Variants in RNF145 observed in about 807,000 individuals in gnomAD.
RNF145 encodes the protein ring finger protein 145.
RNF145 carries 12 observed loss-of-function variants against 57.3 expected under a neutral mutation model. The ratio of observed to expected loss-of-function variants is 0.21; its 90% CI spans 0.13 to 0.34. The LOEUF is 0.34. Ranked by LOEUF, RNF145 falls within the 10% of genes least tolerant of loss-of-function variation. RNF145 has a pLI of 1.00. For synonymous variants in RNF145, 262 were observed against 288.3 expected (o/e 0.91, Z 0.92); for missense variants, 429 against 799.0 (o/e 0.54, Z 5.58).
At chr5:159,198,848 C>T (rs941278620) in intron 2 of RNF145, among the ~76,000 whole-genome samples, 1 of 152,006 alleles carries the variant, frequency 6.6e-6, no homozygotes, top group African/African-American at 2.4e-5. Context: ...AAAACAAGAC[C>T]TTGGTATATG....
intron 2 of RNF145, among the ~76,000 whole-genome samples, chr5:159,202,388 G>A (rs557847216): frequency 2.0e-4 from 30 of 152,242 alleles, no homozygotes; most frequent in African/African-American, 7.0e-4. Flanking sequence ...GCAACATAAA[G>A]GAACTTTCCC....
At chr5:159,173,245 GTT>G (rs999389193) in intron 6 of RNF145, among the ~76,000 whole-genome samples, 1 of 151,182 alleles carries the variant, frequency 6.6e-6, no homozygotes. Context: ...TTTTTTGCAA[GTT>G]TTTTTTTAAA....
At chr5:159,163,856 C>A (rs1041058171) in intron 8 of RNF145, among the ~76,000 whole-genome samples, 3 of 152,176 alleles carry the variant, frequency 2.0e-5, no homozygotes, top group African/African-American at 4.8e-5. Context: ...AGCACTCTTA[C>A]GTCCCACTAG....
chr5:159,173,230 AT>A (rs552111584), intron 6 of RNF145, among the ~76,000 whole-genome samples: 11 of 150,034 alleles, frequency 7.3e-5, no homozygotes, highest in East Asian at 1.9e-4. Context: ...ACACTATGAG[AT>A]TTTTTTTTTG....
intron 8 of RNF145, among the ~76,000 whole-genome samples, chr5:159,167,083 T>C (rs1784414377): frequency 6.6e-6 from 1 of 152,266 alleles, no homozygotes; most frequent in African/African-American, 2.4e-5. Context: ...TTAACTGTTA[T>C]AGAACTATTC....
At chr5:159,205,609 G>GAATAGATCTTCTCACAAACC (rs1349390108) in intron 1 of RNF145, among the ~76,000 whole-genome samples, 3 of 152,104 alleles carry the variant, frequency 2.0e-5, no homozygotes, top group Non-Finnish European at 1.5e-5. Flanking sequence ...AAGTAATATT[G>GAATAGATCTTCTCACAAACC]AATAGATCTT....
At chr5:159,170,758 C>A (rs1784523620) in intron 6 of RNF145, among the ~76,000 whole-genome samples, 1 of 152,148 alleles carries the variant, frequency 6.6e-6, no homozygotes, top group Non-Finnish European at 1.5e-5. Flanking sequence ...CTGCGCCTGG[C>A]TAATTTATTC....
At chr5:159,160,855 T>A (rs1190796950) in intron 10 of RNF145, among the ~76,000 whole-genome samples, 1 of 152,168 alleles carries the variant, frequency 6.6e-6, no homozygotes, top group Non-Finnish European at 1.5e-5. Context: ...GTTAGGTACA[T>A]GAATATTTCT....
chr5:159,181,120 C>T (rs1469938361), intron 4 of RNF145, among the ~76,000 whole-genome samples: 3 of 144,602 alleles, frequency 2.1e-5, no homozygotes, highest in African/African-American at 7.5e-5. Context: ...CAGAGCAAGA[C>T]TCTGTCTCAA....
chr5:159,157,715 T>C lies in RNF145; in HGVS notation c.*955A>G, dbSNP rs1052506876. On this transcript the variant is annotated 3_prime_UTR_variant, in exon 11 of 11. Transcript: ENST00000424310. ...CTATTAACAGCTTTAAAAGTGGCAT[T>C]TGCAGAGTGTGATCATACAGTTATG... is the stretch of plus-strand genomic sequence containing the variant. 3 of 152,790 alleles carry C rather than the reference T, an allele frequency of 2.0e-5. No homozygotes were observed. Among genetic ancestry groups the C allele is most frequent in the African/African-American group, 4.8e-5 (2 of 41,462 alleles). 9.5% of individuals were successfully genotyped at this position (152,790 alleles called of 1,614,324 possible). A position where few individuals can be genotyped will look rare whatever the true frequency, so the allele number is the denominator to read the frequency against.
intron 1 of RNF145, chr5:159,208,122 C>T: frequency 7.0e-7 from 1 of 1,436,096 alleles, no homozygotes. Flanking sequence ...TCTCCCCGCA[C>T]CTCCTCCCAC....
In RNF145 at chr5:159,174,108, T is replaced by G; in HGVS notation, c.672A>C (p.Gln224His). The G allele has an allele frequency of 6.2e-7, 1 of 1,613,318 alleles. No individual in the cohort carries two copies. Among genetic ancestry groups the G allele is most frequent in the Non-Finnish European group, 8.5e-7 (1 of 1,179,546 alleles). Residue 224 changes from glutamine to histidine, a missense_variant, in exon 6 of 11, where the codon CAA (glutamine) becomes CAC (histidine). Gln to His is a conservative substitution (Grantham distance 24). Transcript: ENST00000424310. ...LLALGMSLWN[Q>H]LVVPVLFMVF... ...CCATGAAAAGAACAGGGACTACCAG[T>G]TGATTCCACAGGGACATTCCCAAGG... is the stretch of plus-strand genomic sequence containing the variant.
chr5:159,178,170 T>G (rs1784776438), intron 4 of RNF145, among the ~76,000 whole-genome samples: 1 of 152,008 alleles, frequency 6.6e-6, no homozygotes, highest in African/African-American at 2.4e-5. Context: ...CTGTATTTTC[T>G]TTTAGTAATT....
chr5:159,183,909 G>A (rs1440625005), intron 3 of RNF145, among the ~76,000 whole-genome samples: 1 of 152,142 alleles, frequency 6.6e-6, no homozygotes, highest in Non-Finnish European at 1.5e-5. Context: ...AGATAAAGGT[G>A]ACAGCTGCAC....
At chr5:159,191,473 T>C (rs1165363636) in intron 3 of RNF145, among the ~76,000 whole-genome samples, 1 of 152,192 alleles carries the variant, frequency 6.6e-6, no homozygotes, top group Non-Finnish European at 1.5e-5. Flanking sequence ...TTGCCTACTA[T>C]AAAATTTTAT....
chr5:159,203,742 C>A, intron 1 of RNF145, 86 bp from the exon 2 acceptor site: 1 of 797,088 alleles, frequency 1.3e-6, no homozygotes, highest in South Asian at 1.7e-5. Context: ...AATAGGTTGT[C>A]ACACACTGTA....
chr5:159,202,623 A>G (rs1167160570), intron 2 of RNF145, among the ~76,000 whole-genome samples: 1 of 152,170 alleles, frequency 6.6e-6, no homozygotes, highest in Non-Finnish European at 1.5e-5. Context: ...GACTTTATAA[A>G]AGATATATTT....
chr5:159,188,288 G>A (rs1245349599), intron 3 of RNF145, among the ~76,000 whole-genome samples: 1 of 152,034 alleles, frequency 6.6e-6, no homozygotes, highest in Non-Finnish European at 1.5e-5. Context: ...TCGGGAGGCT[G>A]AGGCAGGAGA....
intron 4 of RNF145, 55 bp from the exon 5 acceptor site, chr5:159,176,922 AAAAC>A (rs1366514970): frequency 3.9e-6 from 4 of 1,023,452 alleles, no homozygotes; most frequent in Admixed American, 2.5e-5. Flanking sequence ...CCACAAAATA[AAAAC>A]AAACAAAAAA....
Sources: allele counts gnomAD v4.1 joint callset (sites outside exome capture counted in the v4.1 genomes callset), GRCh38; gene constraint gnomAD v4.1.1; transcripts MANE v1.5; gene names NCBI Gene and HGNC (gene_info 2026-07-23, HGNC 2026-07-21).